The following DNAH14 variants were observed in gnomAD, a reference collection of about 807,000 sequenced individuals.
The protein encoded by DNAH14 is dynein axonemal heavy chain 14.
Under a neutral mutation model 520.9 loss-of-function variants are expected in DNAH14, and 478 were observed. That is an observed-to-expected ratio of 0.92 (90% CI 0.85 to 0.99). The LOEUF is 0.99. DNAH14 is among the 50% of genes least tolerant of loss of function. DNAH14 has a pLI of 0.00. For synonymous variants in DNAH14, 1,581 were observed against 1,757.2 expected (o/e 0.90, Z 2.51); for missense variants, 4,831 against 5,234.5 (o/e 0.92, Z 2.38).
At chr1:225,060,018 T>C (rs1292005327) in intron 17 of DNAH14, among the ~76,000 whole-genome samples, 3 of 151,706 alleles carry the variant, frequency 2.0e-5, no homozygotes, top group African/African-American at 7.3e-5. Context: ...GAGTTGCTCT[T>C]CTCGAGGAGT....
intron 84 of DNAH14, 60 bp downstream of exon 84, chr1:225,392,511 A>C: frequency 6.5e-7 from 1 of 1,535,632 alleles, no homozygotes; most frequent in Non-Finnish European, 8.8e-7. Flanking sequence ...TTATTCATTC[A>C]ATCAATTGTG....
chr1:225,367,365 CTGCTGTTGATTCAGTTTG>C (rs2095566738), intron 76 of DNAH14, among the ~76,000 whole-genome samples: 1 of 152,190 alleles, frequency 6.6e-6, no homozygotes, highest in South Asian at 2.1e-4. Context: ...AGTGCTGAAG[CTGCTGTTGATTCAGTTTG>C]TGCTGTTTCC....
chr1:225,253,381 C>G (rs1257967461), intron 44 of DNAH14, among the ~76,000 whole-genome samples: 5 of 152,092 alleles, frequency 3.3e-5, no homozygotes, highest in African/African-American at 1.2e-4. Context: ...TAGAACATTA[C>G]TTCCTCTGGC....
chr1:225,055,692 C>G (rs2068977124), intron 17 of DNAH14, among the ~76,000 whole-genome samples: 1 of 143,854 alleles, frequency 7.0e-6, no homozygotes, highest in Admixed American at 7.0e-5. Context: ...CCCCCTCCCC[C>G]ACCACACAAT....
chr1:225,362,843 A>G (rs1485157852), intron 75 of DNAH14, among the ~76,000 whole-genome samples: 2 of 152,220 alleles, frequency 1.3e-5, no homozygotes, highest in African/African-American at 4.8e-5. Flanking sequence ...TGTTCACAAC[A>G]TATTGCTAGG....
At position 225,251,653 on chromosome 1, in the gene DNAH14, T is replaced by C. The variant is rs559894755; in HGVS notation, c.6749-648T>C. Among the ~76,000 whole-genome samples, 105 of 152,180 alleles carry C rather than the reference T, an allele frequency of 6.9e-4. 1 individual carries two copies. Among genetic ancestry groups the C allele is most frequent in the African/African-American group, 2.4e-3 (98 of 41,520 alleles). On this transcript the variant is annotated intron_variant, in intron 43 of 85. Coordinates refer to ENST00000682510, the MANE Select transcript of DNAH14 (RefSeq NM_001367479.1). Reference sequence around the variant, plus strand: ...CAATAATAGTAAGACAAGCCACAGATTCAAAGAATATATATAAATTACGTA... The same window carrying C: ...CAATAATAGTAAGACAAGCCACAGACTCAAAGAATATATATAAATTACGTA...
At chr1:224,950,545 C>T (rs1007106126) in intron 1 of DNAH14, among the ~76,000 whole-genome samples, 1 of 151,884 alleles carries the variant, frequency 6.6e-6, no homozygotes, top group Admixed American at 6.6e-5. Flanking sequence ...TTTTTTTTTA[C>T]AGTTTGATTA....
rs10495237 is a variant in DNAH14, at chr1:225,318,592, A to G, written c.9250A>G (p.Asn3084Asp). ...IVEDYAQKTA[N>D]ELKSVLPAFD... ...TATATTTTTATTGCAGAAAACTGCC[A>G]ATGAACTAAAAAGTGTGCTGCCAGC... Residue 3084 changes from asparagine (N) to aspartate (D), a missense_variant, in exon 61 of 86, where the codon AAT becomes GAT. Asn to Asp is a conservative substitution (Grantham distance 23). Coordinates refer to ENST00000682510, the MANE Select transcript of DNAH14 (RefSeq NM_001367479.1). 134,808 of 1,544,522 alleles carry G rather than the reference A, an allele frequency of 0.087. 7,772 individuals are homozygous for G. The highest frequency in any genetic ancestry group is 0.29 in the East Asian group (11,714 of 40,720).
chr1:225,040,186 G>A (rs983688806), intron 12 of DNAH14, among the ~76,000 whole-genome samples: 1 of 151,894 alleles, frequency 6.6e-6, no homozygotes, highest in African/African-American at 2.4e-5. Context: ...TGATCTGCCC[G>A]CCTCGGCCTC....
chr1:225,394,931 T>A (rs1029367843), intron 84 of DNAH14, among the ~76,000 whole-genome samples: 72 of 151,884 alleles, frequency 4.7e-4, no homozygotes, highest in Admixed American at 4.5e-3. Flanking sequence ...CCCACCTGAC[T>A]CAGCACCATT....
At chr1:225,356,320 G>A (rs549194301) in intron 73 of DNAH14, among the ~76,000 whole-genome samples, 30 of 152,296 alleles carry the variant, frequency 2.0e-4, no homozygotes, top group African/African-American at 6.5e-4. Context: ...GCTGAGTAGT[G>A]TCTGTCCCTT....
chr1:225,361,590 G>A (rs1449989255), intron 75 of DNAH14, among the ~76,000 whole-genome samples: 2 of 152,122 alleles, frequency 1.3e-5, no homozygotes, highest in South Asian at 2.1e-4. Flanking sequence ...GTCTCTTCAT[G>A]CTGTTATTTT....
chr1:225,289,651 A>G (rs921960155), intron 54 of DNAH14, among the ~76,000 whole-genome samples: 2 of 152,088 alleles, frequency 1.3e-5, no homozygotes, highest in African/African-American at 4.8e-5. Context: ...AAATTTTCTC[A>G]TATATTTAAA....
intron 9 of DNAH14, among the ~76,000 whole-genome samples, chr1:225,006,390 C>T (rs541357527): frequency 4.6e-5 from 7 of 152,194 alleles, no homozygotes; most frequent in East Asian, 1.9e-4. Flanking sequence ...CCTGCAGGGC[C>T]GGGCAGAACA....
intron 42 of DNAH14, among the ~76,000 whole-genome samples, chr1:225,231,766 T>G (rs1436835084): frequency 1.3e-5 from 2 of 152,162 alleles, no homozygotes; most frequent in African/African-American, 4.8e-5. Context: ...ATTATGGCAT[T>G]CTAACCCAAA....
intron 77 of DNAH14, among the ~76,000 whole-genome samples, chr1:225,374,296 C>T (rs1450932725): frequency 7.0e-6 from 1 of 143,252 alleles, no homozygotes; most frequent in Non-Finnish European, 1.5e-5. Context: ...GAGTCTCACT[C>T]TGTCGCCCAG....
chr1:225,300,301 C>T (rs1252464480), intron 55 of DNAH14, among the ~76,000 whole-genome samples: 1 of 152,174 alleles, frequency 6.6e-6, no homozygotes, highest in East Asian at 1.9e-4. Flanking sequence ...TTCTCAGTGC[C>T]TGTCACAGCT....
At chr1:225,163,357 CT>C (rs1369505691) in intron 35 of DNAH14, among the ~76,000 whole-genome samples, 2 of 152,144 alleles carry the variant, frequency 1.3e-5, no homozygotes, top group Admixed American at 6.5e-5. Context: ...ATTTCTTTCT[CT>C]TGTCTGATTG....
intron 34 of DNAH14, among the ~76,000 whole-genome samples, chr1:225,154,749 G>A (rs1343546638): frequency 2.0e-5 from 3 of 151,846 alleles, no homozygotes; most frequent in Non-Finnish European, 4.4e-5. Flanking sequence ...AGAAACATAT[G>A]TCCTTTTTTC....
Sources: allele counts gnomAD v4.1 joint callset (sites outside exome capture counted in the v4.1 genomes callset), GRCh38; gene constraint gnomAD v4.1.1; transcripts MANE v1.5; gene names NCBI Gene and HGNC (gene_info 2026-07-23, HGNC 2026-07-21).